SLC23A2: variants seen among roughly 807,000 people sequenced by gnomAD.
The protein encoded by SLC23A2 is solute carrier family 23 member 2.
Under a neutral mutation model 73.3 loss-of-function variants are expected in SLC23A2, and 36 were observed. That is an observed-to-expected ratio of 0.49 (90% CI 0.38 to 0.65). The LOEUF is 0.65. Ranked by LOEUF, SLC23A2 falls within the 30% of genes least tolerant of loss-of-function variation. The pLI is 0.00. For missense variants in SLC23A2, 507 were observed against 841.6 expected (o/e 0.60, Z 4.92); for synonymous variants, 343 against 327.3 (o/e 1.05, Z -0.52).
intron 1 of SLC23A2, among the ~76,000 whole-genome samples, chr20:5,009,287 T>C (rs968120195): frequency 6.6e-6 from 1 of 152,102 alleles, no homozygotes; most frequent in Non-Finnish European, 1.5e-5. Flanking sequence ...TGTGGCTATG[T>C]CCATTTCTGT....
In SLC23A2 at chr20:4,891,129, G is replaced by A. The variant is rs562050198; in HGVS notation, c.483-5220C>T. ...GCTGCTTTTGCCAGGGCAGTCACCT[G>A]CCTAAAAAGGAAGAATGGGGGTTAG... On this transcript the variant is annotated intron_variant, in intron 6 of 16. Coordinates refer to ENST00000338244, the MANE Select transcript of SLC23A2 (RefSeq NM_005116.6). 2.6e-4 allele frequency among the ~76,000 whole-genome samples: 39 copies of A among 148,338 alleles called. No homozygotes were observed. The South Asian group carries it at 8.4e-3, about 32-fold the overall frequency.
In SLC23A2 at chr20:4,983,827, ATG is replaced by A. The variant is rs1476608815; in HGVS notation, c.-281-12910_-281-12909del. ...CAAAATTAGCCAGGCGTGGTGGTGC[ATG>A]CCTGTAATCCCTGCTATTCGGGAGG... On this transcript the variant is annotated intron_variant, in intron 1 of 16. Coordinates refer to ENST00000338244, the MANE Select transcript of SLC23A2 (RefSeq NM_005116.6). 1.4e-4 allele frequency among the ~76,000 whole-genome samples: 21 copies of A among 147,466 alleles called. No homozygotes were observed. The East Asian group carries it at 4.2e-3, about 29-fold the overall frequency.
At chr20:4,961,806 T>G (rs1461571902) in intron 2 of SLC23A2, among the ~76,000 whole-genome samples, 1 of 152,142 alleles carries the variant, frequency 6.6e-6, no homozygotes, top group Non-Finnish European at 1.5e-5. Flanking sequence ...CATATCCCCC[T>G]CAGCCAGAGA....
At chr20:4,974,597 C>T (rs2087614781) in intron 1 of SLC23A2, among the ~76,000 whole-genome samples, 1 of 152,104 alleles carries the variant, frequency 6.6e-6, no homozygotes, top group Non-Finnish European at 1.5e-5. Flanking sequence ...TCAAACACTA[C>T]ATATTCTTCA....
At chr20:4,983,066 T>C (rs142361255) in intron 1 of SLC23A2, among the ~76,000 whole-genome samples, 36 of 151,624 alleles carry the variant, frequency 2.4e-4, no homozygotes, top group African/African-American at 7.0e-4. Context: ...AATCGCGCCA[T>C]TGCACTCCAG....
chr20:4,920,164 G>GGTA (rs1932455963), intron 3 of SLC23A2, among the ~76,000 whole-genome samples: 1 of 152,206 alleles, frequency 6.6e-6, no homozygotes. Flanking sequence ...GGGAGACTGA[G>GGTA]GCAGGAGAAT....
At chr20:4,915,060 TA>T (rs34853888) in intron 3 of SLC23A2, among the ~76,000 whole-genome samples, 28 of 150,980 alleles carry the variant, frequency 1.9e-4, no homozygotes, top group African/African-American at 6.8e-4. Context: ...ATGTACTAAT[TA>T]AAAAAAAACT....
At position 4,883,393 on chromosome 20, in the gene SLC23A2, C is replaced by A. The variant is rs151249081; in HGVS notation, c.824+249G>T. On this transcript the variant is annotated intron_variant, in intron 9 of 16. Coordinates refer to ENST00000338244, the MANE Select transcript of SLC23A2 (RefSeq NM_005116.6). This position sits in a 1 kb window ranked among gnomAD's most constrained non-coding sequence, Gnocchi z 4.5. ...ATGGCGCCACTACCTTACCCCACTA[C>A]CAAAGCTTAAAAACTTACAATCCAC... Among the ~76,000 whole-genome samples the A allele has an allele frequency of 2.0e-5, 3 of 152,282 alleles. No homozygotes were observed. The highest frequency in any genetic ancestry group is 7.2e-5 in the African/African-American group (3 of 41,548).
At chr20:4,969,100 T>C (rs1472807360) in intron 2 of SLC23A2, among the ~76,000 whole-genome samples, 1 of 133,536 alleles carries the variant, frequency 7.5e-6, no homozygotes, top group Non-Finnish European at 1.7e-5. Context: ...CATTGTTTTG[T>C]TTTGAGACAG....
At chr20:4,964,968 T>C (rs1336189982) in intron 2 of SLC23A2, among the ~76,000 whole-genome samples, 1 of 151,894 alleles carries the variant, frequency 6.6e-6, no homozygotes. Flanking sequence ...GATGATGGGA[T>C]TATATGTGGT....
At chr20:4,968,889 T>G (rs1156355098) in intron 2 of SLC23A2, among the ~76,000 whole-genome samples, 1 of 151,252 alleles carries the variant, frequency 6.6e-6, no homozygotes, top group Non-Finnish European at 1.5e-5. Flanking sequence ...TGGCTAATTT[T>G]TGTATTTTTA....
intron 2 of SLC23A2, among the ~76,000 whole-genome samples, chr20:4,941,125 C>T (rs2087033923): frequency 6.6e-6 from 1 of 151,726 alleles, no homozygotes; most frequent in Non-Finnish European, 1.5e-5. Flanking sequence ...CACTACACTC[C>T]AGCCTGGGCG....
intron 2 of SLC23A2, among the ~76,000 whole-genome samples, chr20:4,961,176 T>C (rs2087378944): frequency 1.3e-5 from 2 of 151,368 alleles, no homozygotes. Flanking sequence ...GGCACGATCT[T>C]GGCTCACTGC....
At chr20:4,973,453 A>C (rs1461067049) in intron 1 of SLC23A2, among the ~76,000 whole-genome samples, 1 of 131,002 alleles carries the variant, frequency 7.6e-6, no homozygotes, top group African/African-American at 2.8e-5. Context: ...GAGTGGCAAG[A>C]TGGCTGGAAG....
At chr20:4,877,126 T>G (rs1600091525) in intron 9 of SLC23A2, among the ~76,000 whole-genome samples, 1 of 152,198 alleles carries the variant, frequency 6.6e-6, no homozygotes, top group East Asian at 1.9e-4. Flanking sequence ...CAAACCTGCA[T>G]GTTGTGCACA....
chr20:4,858,258 G>A (rs934415944), intron 16 of SLC23A2, among the ~76,000 whole-genome samples: 3 of 152,234 alleles, frequency 2.0e-5, no homozygotes, highest in Non-Finnish European at 4.4e-5. Flanking sequence ...CACCCTGACA[G>A]ATGGGTCAGG....
At chr20:4,951,958 C>T (rs139537148) in intron 2 of SLC23A2, among the ~76,000 whole-genome samples, 2,655 of 151,902 alleles carry the variant, frequency 0.017, 39 homozygotes, top group Non-Finnish European at 0.028. Context: ...CAAAAATTAG[C>T]TGGGTGTGAT....
chr20:4,870,533 C>T (rs990056249), intron 11 of SLC23A2, among the ~76,000 whole-genome samples: 6 of 151,694 alleles, frequency 4.0e-5, no homozygotes, highest in East Asian at 3.9e-4. Context: ...GCCAAGACTG[C>T]GCCACTGCAC....
chr20:5,009,132 A>G (rs1448038125), intron 1 of SLC23A2, among the ~76,000 whole-genome samples: 1 of 152,110 alleles, frequency 6.6e-6, no homozygotes, highest in Non-Finnish European at 1.5e-5. Context: ...GCACAGCTGT[A>G]TTCTCTCAGG....
Sources: allele counts gnomAD v4.1 joint callset (sites outside exome capture counted in the v4.1 genomes callset), GRCh38; gene constraint gnomAD v4.1.1; non-coding constraint Gnocchi (gnomAD v3.1); transcripts MANE v1.5; gene names NCBI Gene and HGNC (gene_info 2026-07-23, HGNC 2026-07-21).